Variants in OCIAD2 observed in about 807,000 individuals in gnomAD.
OCIAD2 encodes the protein OCIA domain-containing protein 2.
Under a neutral mutation model 22.9 loss-of-function variants are expected in OCIAD2, and 29 were observed. The ratio of observed to expected loss-of-function variants is 1.27; its 90% confidence interval spans 0.94 to 1.73. The LOEUF is 1.73. Among genes scored for constraint, OCIAD2 ranks in the 40% most tolerant of loss-of-function variants. OCIAD2 has a pLI of 0.00. For missense variants in OCIAD2, 189 were observed against 180.3 expected, an observed-to-expected ratio of 1.05 and a Z score of -0.28; for synonymous variants, 67 against 60.2, an observed-to-expected ratio of 1.11 and a Z score of -0.52.
intron 3 of OCIAD2, among the ~76,000 whole-genome samples, chr4:48,899,536 G>A (rs183818407): frequency 6.6e-6 from 1 of 152,310 alleles, no homozygotes; most frequent in Non-Finnish European, 1.5e-5. Context: ...CTCTTTGGGA[G>A]TCAGCAAATT....
chr4:48,886,431 G>A (rs962089847), intron 6 of OCIAD2, among the ~76,000 whole-genome samples: 1 of 152,116 alleles, frequency 6.6e-6, no homozygotes, highest in African/African-American at 2.4e-5. Context: ...ACGTTGGTGT[G>A]CTGCACCCAT....
chr4:48,903,365 G>C (rs2605269), intron 2 of OCIAD2, among the ~76,000 whole-genome samples: 10,687 of 152,156 alleles, frequency 0.07, 412 homozygotes, highest in Non-Finnish European at 0.088. Context: ...AAAAAAATAA[G>C]CAAAATATTG....
At position 48,885,471 on chromosome 4, in the gene OCIAD2, A is replaced by G; in HGVS notation, c.*13T>C. The G allele has an allele frequency of 6.6e-7, 1 of 1,525,104 alleles. No homozygotes were observed. Among genetic ancestry groups the G allele is most frequent in the Non-Finnish European group, 9.1e-7 (1 of 1,101,198 alleles). 94.5% of individuals were successfully genotyped at this position (1,525,104 alleles called of 1,614,324 possible). On this transcript the variant is annotated 3_prime_UTR_variant, in exon 7 of 7. Transcript: ENST00000508632. ...AGAGGTTTAAAAAACTTCGAAAGTC[A>G]CAGACACAGAATTTAGGAAGCTGAA... is the stretch of plus-strand genomic sequence containing the variant.
chr4:48,887,689 G>T (rs1781031281), intron 6 of OCIAD2, among the ~76,000 whole-genome samples: 2 of 152,206 alleles, frequency 1.3e-5, no homozygotes, highest in South Asian at 2.1e-4. Context: ...CTGTTCCATT[G>T]GTCTATATCT....
intron 6 of OCIAD2, among the ~76,000 whole-genome samples, chr4:48,889,167 G>A (rs1214522737): frequency 6.6e-6 from 1 of 152,170 alleles, no homozygotes; most frequent in Non-Finnish European, 1.5e-5. Context: ...TTGTATTTCT[G>A]TGGGATCAGT....
intron 3 of OCIAD2, among the ~76,000 whole-genome samples, chr4:48,899,362 G>A (rs1476761842): frequency 6.6e-6 from 1 of 152,178 alleles, no homozygotes; most frequent in Non-Finnish European, 1.5e-5. Flanking sequence ...TGTAAGCGAA[G>A]TATTAATGGA....
At chr4:48,891,491 C>A (rs1365742453) in intron 6 of OCIAD2, among the ~76,000 whole-genome samples, 2 of 152,100 alleles carry the variant, frequency 1.3e-5, no homozygotes, top group Non-Finnish European at 2.9e-5. Flanking sequence ...CTTAAAGGAG[C>A]CCTGGAAACT....
intron 6 of OCIAD2, 93 bp from the exon 7 acceptor site, chr4:48,885,658 A>G: frequency 2.8e-6 from 2 of 721,768 alleles, no homozygotes; most frequent in Non-Finnish European, 4.8e-6. Flanking sequence ...TTTTAACATA[A>G]TCTTTTTAAT....
At chr4:48,896,098 ATG>A (rs1358991945) in intron 4 of OCIAD2, among the ~76,000 whole-genome samples, 1 of 152,198 alleles carries the variant, frequency 6.6e-6, no homozygotes, top group Non-Finnish European at 1.5e-5. Context: ...CAATATTTTT[ATG>A]TGTCAAAAAT....
chr4:48,893,833 G>A, intron 5 of OCIAD2, 173 bp downstream of exon 5: 1 of 350,310 alleles, frequency 2.9e-6, no homozygotes, highest in Non-Finnish European at 5.2e-6. Context: ...TTTTTTCAAA[G>A]TTTTTATTTA....
intron 1 of OCIAD2, among the ~76,000 whole-genome samples, chr4:48,906,402 C>T (rs892408626): frequency 6.6e-6 from 1 of 152,180 alleles, no homozygotes; most frequent in East Asian, 1.9e-4. Flanking sequence ...ACGGGGGACA[C>T]TGCACTTTCT....
intron 5 of OCIAD2, 26 bp from the exon 6 acceptor site, chr4:48,892,915 A>T: frequency 8.3e-7 from 1 of 1,200,176 alleles, no homozygotes; most frequent in Non-Finnish European, 1.2e-6. Flanking sequence ...GGGAGAGATT[A>T]GTTGAGAATC....
intron 6 of OCIAD2, among the ~76,000 whole-genome samples, chr4:48,887,611 T>C (rs2109664474): frequency 6.6e-6 from 1 of 152,356 alleles, no homozygotes; most frequent in Non-Finnish European, 1.5e-5. Context: ...TCCCCATTTC[T>C]TGTTTTTTCA....
At chr4:48,896,667 C>T (rs866596836) in intron 4 of OCIAD2, among the ~76,000 whole-genome samples, 2 of 152,068 alleles carry the variant, frequency 1.3e-5, no homozygotes, top group African/African-American at 2.4e-5. Flanking sequence ...GGCATGGTGG[C>T]ACGTGCCTAT....
At chr4:48,890,561 T>C (rs1781141597) in intron 6 of OCIAD2, among the ~76,000 whole-genome samples, 1 of 152,194 alleles carries the variant, frequency 6.6e-6, no homozygotes, top group Non-Finnish European at 1.5e-5. Flanking sequence ...TTCCAGAATT[T>C]CTGGCTTATA....
chr4:48,887,862 C>T (rs557153766), intron 6 of OCIAD2, among the ~76,000 whole-genome samples: 2 of 152,152 alleles, frequency 1.3e-5, no homozygotes, highest in South Asian at 4.1e-4. Flanking sequence ...TAGTTTTTTC[C>T]AATTCTGTGA....
At chr4:48,888,985 T>C (rs1006823409) in intron 6 of OCIAD2, among the ~76,000 whole-genome samples, 2 of 152,238 alleles carry the variant, frequency 1.3e-5, no homozygotes, top group African/African-American at 4.8e-5. Context: ...TTTTGGTTGG[T>C]AAGCTATTAA....
Position 48,892,684 on chromosome 4 carries a change from A to C in OCIAD2, c.383+88T>G, listed in dbSNP as rs577632079. 238 of 644,294 alleles carry C rather than the reference A, an allele frequency of 3.7e-4. No homozygotes were observed. The Middle Eastern group carries it at 4.1e-3, about 11-fold the overall frequency. 39.9% of individuals were successfully genotyped at this position (644,294 alleles called of 1,614,324 possible). On this transcript the variant is annotated intron_variant, in intron 6 of 6. Coordinates refer to ENST00000508632, the MANE Select transcript of OCIAD2 (RefSeq NM_001014446.3). ...CTTTTTTTACATGTGAATTTAAAAA[A>C]TTGTGTTTAATATTATAAATAGTGA...
intron 3 of OCIAD2, among the ~76,000 whole-genome samples, chr4:48,898,293 A>G (rs1187291181): frequency 5.9e-5 from 9 of 152,150 alleles, no homozygotes; most frequent in Non-Finnish European, 1.5e-5. Flanking sequence ...CTTCATCTAG[A>G]TTCATTAATT....
Sources: gnomAD v4.1 joint callset for allele counts (sites outside exome capture counted in the v4.1 genomes callset) on GRCh38, gnomAD v4.1.1 for gene constraint, MANE v1.5 for transcripts, NCBI Gene and HGNC (gene_info 2026-07-23, HGNC 2026-07-21) for gene names.